TMEM38A: variants seen among roughly 807,000 people sequenced by gnomAD.
TMEM38A encodes the protein transmembrane protein 38A, also known as trimeric intracellular cation channel type A.
TMEM38A carries 17 observed loss-of-function variants against 28.6 expected under a neutral mutation model. The observed-to-expected ratio is 0.60, with a 90% CI of 0.41 to 0.89. TMEM38A has a LOEUF of 0.89. TMEM38A is among the 40% of genes least tolerant of loss of function. TMEM38A has a pLI of 0.00. For synonymous variants in TMEM38A, 169 were observed against 166.1 expected, an observed-to-expected ratio of 1.02 and a Z score of -0.14; for missense variants, 328 against 393.1, an observed-to-expected ratio of 0.83 and a Z score of 1.40.
Position 16,688,128 on chromosome 19 carries a change from G to T in TMEM38A, c.673-16G>T. 7.0e-7 allele frequency: 1 copy of T among 1,421,150 alleles called. No homozygotes were observed. The highest frequency in any genetic ancestry group is 2.7e-5 in the Admixed American group (1 of 37,582). 88.0% of individuals were successfully genotyped at this position (1,421,150 alleles called of 1,614,324 possible). A position where few individuals can be genotyped will look rare whatever the true frequency, so the allele number is the denominator to read the frequency against. On this transcript the variant is annotated splice_polypyrimidine_tract_variant and intron_variant, in intron 5 of 5. Coordinates refer to ENST00000187762, the MANE Select transcript of TMEM38A (RefSeq NM_024074.4). ...CCTCTGTCTCTCTTGCTGTCTCCCTGGCCACCCCACCTCAGGTGTTTCTGA... is the reference window on the plus strand; with the variant it reads ...CCTCTGTCTCTCTTGCTGTCTCCCTTGCCACCCCACCTCAGGTGTTTCTGA...
chr19:16,676,885 C>G (rs12459434), intron 1 of TMEM38A, among the ~76,000 whole-genome samples: 4,221 of 151,040 alleles, frequency 0.028, 159 homozygotes, highest in Admixed American at 0.087. Context: ...CTCAGCCTCC[C>G]GAGTAGCTGA....
At chr19:16,687,086 C>T (rs1039964072) in intron 5 of TMEM38A, among the ~76,000 whole-genome samples, 23 of 152,154 alleles carry the variant, frequency 1.5e-4, no homozygotes, top group African/African-American at 5.5e-4. Context: ...CATGCCAACA[C>T]TTCAGGGGGC....
chr19:16,670,220 G>C (rs1209691492), intron 1 of TMEM38A, among the ~76,000 whole-genome samples: 1 of 150,306 alleles, frequency 6.7e-6, no homozygotes, highest in Non-Finnish European at 1.5e-5. Context: ...CACCCGCCTC[G>C]GTCTCCCAAA....
At chr19:16,673,585 T>G (rs931192207) in intron 1 of TMEM38A, among the ~76,000 whole-genome samples, 10 of 152,184 alleles carry the variant, frequency 6.6e-5, no homozygotes, top group African/African-American at 2.4e-4. Context: ...AGCTTCATAT[T>G]TCCCTGGTAT....
chr19:16,680,602 G>A (rs1376365215), intron 3 of TMEM38A, 21 bp downstream of exon 3: 1 of 1,605,246 alleles, frequency 6.2e-7, no homozygotes, highest in South Asian at 1.1e-5. Flanking sequence ...TGATGACAAT[G>A]AAAAATCATC....
Position 16,688,205 on chromosome 19 carries a change from G to A in TMEM38A, c.734G>A (p.Cys245Tyr), listed in dbSNP as rs1321529195. The change falls in exon 6 of 6, where the codon TGC becomes TAC. Residue 245 changes from cysteine to tyrosine, a missense_variant. By Grantham distance (194) the Cys-to-Tyr change is radical. Coordinates refer to ENST00000187762, the MANE Select transcript of TMEM38A (RefSeq NM_024074.4). The part of the protein sequence containing the change: ...SPFDALEGYI[C>Y]PVLFGSACGG... ...TTTGATGCCCTGGAGGGCTACATCT[G>A]CCCCGTGCTGTTTGGTTCGGCCTGC... 1 of 1,561,074 alleles carries A rather than the reference G, an allele frequency of 6.4e-7. No homozygotes were observed. The highest frequency in any genetic ancestry group is 8.7e-7 in the Non-Finnish European group (1 of 1,151,456).
At chr19:16,664,393 G>C (rs985544632) in intron 1 of TMEM38A, among the ~76,000 whole-genome samples, 1 of 152,114 alleles carries the variant, frequency 6.6e-6, no homozygotes, top group Non-Finnish European at 1.5e-5. Context: ...CTCCAGCCTG[G>C]GTGACAGAGC....
At chr19:16,664,861 AAAT>A (rs1045943046) in intron 1 of TMEM38A, among the ~76,000 whole-genome samples, 4 of 150,996 alleles carry the variant, frequency 2.6e-5, no homozygotes, top group Admixed American at 1.3e-4. Flanking sequence ...TCTCCTAAAA[AAAT>A]AATAATAATA....
At position 16,686,386 on chromosome 19, in the gene TMEM38A, T is replaced by C; in HGVS notation, c.653T>C (p.Leu218Ser). The change falls in exon 5 of 6, where the codon TTG (leucine) becomes TCG (serine). Residue 218 changes from leucine to serine, a missense_variant. Leu to Ser is a moderately radical substitution (Grantham distance 145, BLOSUM62 -2). Transcript: ENST00000187762. ...SKASLIFIFT[L>S]FMVSCKVFLT... is the part of the protein sequence containing the mutation. ...GCCAGCCTCATCTTCATCTTCACCT[T>C]GTTCATGGTGTCCTGTAAGGTAAGC... 6.2e-7 allele frequency: 1 copy of C among 1,613,494 alleles called. No individual in the cohort carries two copies. Among genetic ancestry groups the C allele is most frequent in the Non-Finnish European group, 8.5e-7 (1 of 1,179,766 alleles).
At position 16,688,164 on chromosome 19, in the gene TMEM38A, C is replaced by A; in HGVS notation, c.693C>A (p.His231Gln). 1 of 1,450,310 alleles carries A rather than the reference C, an allele frequency of 6.9e-7. No individual in the cohort carries two copies. Among genetic ancestry groups the A allele is most frequent in the Non-Finnish European group, 9.2e-7 (1 of 1,092,594 alleles). The allele number at this position is 1,450,310 out of a possible 1,614,324, so 89.8% of individuals were successfully genotyped here. The change falls in exon 6 of 6, where the codon CAC becomes CAA. Residue 231 changes from histidine (H) to glutamine (Q), a missense_variant. By Grantham distance (24) the His-to-Gln change is conservative (BLOSUM62 0). Coordinates refer to ENST00000187762, the MANE Select transcript of TMEM38A (RefSeq NM_024074.4). ...VSCKVFLTATHSHSSPFDALE... is the reference protein window; with the variant it reads ...VSCKVFLTATQSHSSPFDALE... ...CTCAGGTGTTTCTGACAGCCACCCACTCACACAGCTCCCCCTTTGATGCCC... is the reference window on the plus strand; with the variant it reads ...CTCAGGTGTTTCTGACAGCCACCCAATCACACAGCTCCCCCTTTGATGCCC...
chr19:16,674,970 C>A (rs2086744029), intron 1 of TMEM38A, among the ~76,000 whole-genome samples: 1 of 152,152 alleles, frequency 6.6e-6, no homozygotes, highest in Non-Finnish European at 1.5e-5. Context: ...AGATCAAATC[C>A]ACCCGTTGAA....
At chr19:16,676,944 A>G (rs1301135761) in intron 1 of TMEM38A, among the ~76,000 whole-genome samples, 2 of 151,586 alleles carry the variant, frequency 1.3e-5, no homozygotes, top group Non-Finnish European at 1.5e-5. Context: ...TATTTTTAGT[A>G]GAGATGAGGT....
At chr19:16,673,839 G>A (rs1404742078) in intron 1 of TMEM38A, among the ~76,000 whole-genome samples, 6 of 152,006 alleles carry the variant, frequency 3.9e-5, no homozygotes, top group Admixed American at 3.9e-4. Context: ...TGAAATCCCA[G>A]CACTTTGGGA....
At chr19:16,687,069 G>A (rs1353804760) in intron 5 of TMEM38A, among the ~76,000 whole-genome samples, 2 of 152,126 alleles carry the variant, frequency 1.3e-5, no homozygotes, top group Non-Finnish European at 2.9e-5. Flanking sequence ...GGGCAGGCAC[G>A]GGGGCTCATG....
chr19:16,676,906 G>A (rs556748075), intron 1 of TMEM38A, among the ~76,000 whole-genome samples: 6 of 151,434 alleles, frequency 4.0e-5, no homozygotes, highest in Admixed American at 1.3e-4. Context: ...GATTAAAGGC[G>A]CCCACCACCA....
At chr19:16,663,787 C>A (rs561419160) in intron 1 of TMEM38A, among the ~76,000 whole-genome samples, 1 of 151,796 alleles carries the variant, frequency 6.6e-6, no homozygotes, top group Non-Finnish European at 1.5e-5. Context: ...CCGCCTGCCT[C>A]GGCCTCCCAA....
At chr19:16,670,964 T>C (rs1231012409) in intron 1 of TMEM38A, among the ~76,000 whole-genome samples, 1 of 151,874 alleles carries the variant, frequency 6.6e-6, no homozygotes, top group Non-Finnish European at 1.5e-5. Flanking sequence ...GAAAGTCCCA[T>C]GTCCCAGGAA....
At chr19:16,670,440 G>A (rs757296423) in intron 1 of TMEM38A, among the ~76,000 whole-genome samples, 6 of 151,538 alleles carry the variant, frequency 4.0e-5, no homozygotes, top group Admixed American at 3.3e-4. Context: ...GTGCCCAGCC[G>A]AGGCAGAGCT....
At chr19:16,664,826 G>T (rs1357902556) in intron 1 of TMEM38A, among the ~76,000 whole-genome samples, 2 of 152,016 alleles carry the variant, frequency 1.3e-5, no homozygotes, top group African/African-American at 4.8e-5. Flanking sequence ...CCGCCCTCCA[G>T]CCTGGGCAAC....
Sources: gnomAD v4.1 joint callset for allele counts (sites outside exome capture counted in the v4.1 genomes callset) on GRCh38, gnomAD v4.1.1 for gene constraint, MANE v1.5 for transcripts, NCBI Gene and HGNC (gene_info 2026-07-23, HGNC 2026-07-21) for gene names.